The following ARHGAP28 variants were observed in gnomAD, a reference collection of about 807,000 sequenced individuals.
ARHGAP28 encodes Rho GTPase activating protein 28.
Under a neutral mutation model 90.7 loss-of-function variants are expected in ARHGAP28, and 56 were observed. The ratio of observed to expected loss-of-function variants is 0.62; its 90% CI spans 0.50 to 0.77. The LOEUF (loss-of-function observed/expected upper bound fraction) is 0.77. Among genes scored for constraint, ARHGAP28 ranks in the 30% least tolerant of loss-of-function variants. ARHGAP28 has a pLI of 0.00. For missense variants in ARHGAP28, 869 were observed against 900.9 expected (o/e 0.96, Z 0.45); for synonymous variants, 308 against 323.3 (o/e 0.95, Z 0.51).
At chr18:6,792,161 G>A (rs1211083510) in intron 1 of ARHGAP28, among the ~76,000 whole-genome samples, 4 of 152,178 alleles carry the variant, frequency 2.6e-5, no homozygotes, top group Non-Finnish European at 1.5e-5. Context: ...GGACGTAGAG[G>A]AAGGGATAGA....
chr18:6,894,947 C>A (rs111858229), intron 15 of ARHGAP28, 56 bp downstream of exon 15: 7 of 1,450,864 alleles, frequency 4.8e-6, no homozygotes, highest in Non-Finnish European at 6.8e-6. Flanking sequence ...TCTTCTCTGG[C>A]GACATCCACC....
chr18:6,765,824 T>C (rs1308763179), intron 1 of ARHGAP28, among the ~76,000 whole-genome samples: 1 of 152,202 alleles, frequency 6.6e-6, no homozygotes, highest in Admixed American at 6.5e-5. Flanking sequence ...TTTCTTACTA[T>C]TGAGTTCAAA....
intron 1 of ARHGAP28, among the ~76,000 whole-genome samples, chr18:6,797,623 T>C (rs1445204513): frequency 3.9e-5 from 6 of 152,100 alleles, no homozygotes; most frequent in Non-Finnish European, 8.8e-5. Context: ...GAAGGGGAAC[T>C]AGAGAACAGT....
At position 6,890,427 on chromosome 18, in the gene ARHGAP28, C is replaced by T. The variant is rs1600292096; in HGVS notation, c.1735-3C>T. 1 of 1,585,482 alleles carries T rather than the reference C, an allele frequency of 6.3e-7. No homozygotes were observed. Among genetic ancestry groups the T allele is most frequent in the Non-Finnish European group, 8.6e-7 (1 of 1,157,776 alleles). ...TCCAGTCCAAGCTATTTTTCTTCTC[C>T]AGGTTCCATCTTTCTTAATCACTCA... is the stretch of plus-strand genomic sequence containing the variant. On this transcript the variant is annotated splice_region_variant and splice_polypyrimidine_tract_variant and intron_variant, in intron 13 of 17. Coordinates refer to ENST00000383472, the MANE Select transcript of ARHGAP28 (RefSeq NM_001366230.1).
At chr18:6,910,336 T>C (rs2030656844) in intron 17 of ARHGAP28, among the ~76,000 whole-genome samples, 1 of 152,200 alleles carries the variant, frequency 6.6e-6, no homozygotes, top group Non-Finnish European at 1.5e-5. Flanking sequence ...CTCGGAACTC[T>C]CCTGTATTTG....
chr18:6,767,981 C>G (rs1404936819), intron 1 of ARHGAP28, among the ~76,000 whole-genome samples: 1 of 152,170 alleles, frequency 6.6e-6, no homozygotes, highest in African/African-American at 2.4e-5. Context: ...CACTCAGACT[C>G]TATTCAATGT....
intron 1 of ARHGAP28, among the ~76,000 whole-genome samples, chr18:6,815,425 A>G (rs1285966642): frequency 6.6e-6 from 1 of 152,256 alleles, no homozygotes; most frequent in Non-Finnish European, 1.5e-5. Flanking sequence ...CAAAATTAAA[A>G]AAAATAAAAG....
chr18:6,823,934 A>G (rs557692107), intron 1 of ARHGAP28, among the ~76,000 whole-genome samples: 1 of 152,176 alleles, frequency 6.6e-6, no homozygotes, highest in African/African-American at 2.4e-5. Context: ...AGGAACTTCC[A>G]TACTGTTTTC....
rs1389021687 is a variant in ARHGAP28 at position 6,729,961 on chromosome 18, C to T, written c.122+18C>T. ...CTCAGCAGGTACCCGGAGCCGCTCC[C>T]ACCAGGGCGGCGCAGTCGCGCTGGG... On this transcript the variant is annotated intron_variant, in intron 1 of 17. Transcript: ENST00000383472. The T allele has an allele frequency of 1.8e-5, 24 of 1,334,264 alleles. No individual in the cohort carries two copies. Among genetic ancestry groups the T allele is most frequent in the Non-Finnish European group, 2.3e-5 (24 of 1,046,804 alleles). 82.7% of individuals were successfully genotyped at this position (1,334,264 alleles called of 1,614,324 possible).
intron 5 of ARHGAP28, among the ~76,000 whole-genome samples, chr18:6,865,279 G>A (rs1483054925): frequency 1.3e-5 from 2 of 152,180 alleles, no homozygotes; most frequent in Non-Finnish European, 2.9e-5. Context: ...AATTTCAGAT[G>A]TGAACAATGT....
At chr18:6,841,190 T>TCCTCTC (rs1170695647) in intron 3 of ARHGAP28, among the ~76,000 whole-genome samples, 13 of 66,538 alleles carry the variant, frequency 2.0e-4, no homozygotes, top group African/African-American at 4.1e-4. Context: ...CCTCTCTCTC[T>TCCTCTC]CTCTCTCTCT....
At chr18:6,786,696 A>T (rs1200092759) in intron 1 of ARHGAP28, among the ~76,000 whole-genome samples, 1 of 152,220 alleles carries the variant, frequency 6.6e-6, no homozygotes, top group Non-Finnish European at 1.5e-5. Flanking sequence ...AAAACAAATT[A>T]TCCTCACAGC....
chr18:6,894,763 C>A, intron 14 of ARHGAP28, 72 bp from the exon 15 acceptor site: 1 of 1,264,768 alleles, frequency 7.9e-7, no homozygotes, highest in Non-Finnish European at 1.1e-6. Context: ...AAAGATTGTA[C>A]CAGTTTACAC....
At chr18:6,754,374 A>G (rs1353019406) in intron 1 of ARHGAP28, among the ~76,000 whole-genome samples, 3 of 152,218 alleles carry the variant, frequency 2.0e-5, no homozygotes, top group Non-Finnish European at 4.4e-5. Context: ...AAGGGAATAC[A>G]GCTCTATACT....
rs911515274 is a variant in ARHGAP28 at position 6,909,248 on chromosome 18, G to A, written c.2095+224G>A. On this transcript the variant is annotated intron_variant, in intron 17 of 17. Transcript: ENST00000383472. The stretch of plus-strand genomic sequence containing the variant: ...TAATGTTGATATGGAGTAGGCTTGG[G>A]TCTTTTCTTTTCTTTTCTTTTCTTT... 4.9e-5 allele frequency among the ~76,000 whole-genome samples: 6 copies of A among 121,370 alleles called. No individual in the cohort carries two copies. In the South Asian group the frequency reaches 8.1e-4, roughly 16 times the overall value. The allele number at this position is 121,370 out of a possible 152,430, so 79.6% of individuals were successfully genotyped here. A position where few individuals can be genotyped will look rare whatever the true frequency, so the allele number is the denominator to read the frequency against.
intron 3 of ARHGAP28, among the ~76,000 whole-genome samples, chr18:6,838,532 T>C (rs2056771305): frequency 6.6e-6 from 1 of 152,226 alleles, no homozygotes. Flanking sequence ...TAGAACTTTC[T>C]ATAGTGATGG....
chr18:6,769,173 T>G (rs1190373290), intron 1 of ARHGAP28, among the ~76,000 whole-genome samples: 2 of 151,980 alleles, frequency 1.3e-5, no homozygotes, highest in Non-Finnish European at 2.9e-5. Flanking sequence ...TGACACAAGC[T>G]GATATTAGAC....
chr18:6,792,155 G>C (rs752896280), intron 1 of ARHGAP28, among the ~76,000 whole-genome samples: 2 of 152,156 alleles, frequency 1.3e-5, no homozygotes, highest in Non-Finnish European at 2.9e-5. Context: ...GGAGATGGAC[G>C]TAGAGGAAGG....
chr18:6,787,655 C>G lies in ARHGAP28; in HGVS notation c.123-37107C>G, dbSNP rs1292287108. Among the ~76,000 whole-genome samples the G allele has an allele frequency of 2.0e-5, 3 of 152,204 alleles. No individual in the cohort carries two copies. In the East Asian group the frequency reaches 5.8e-4, roughly 29 times the overall value. On this transcript the variant is annotated intron_variant, in intron 1 of 17. Transcript: ENST00000383472. ...GATGTGCAGGCAAAGCAATGGCAGT[C>G]TGAATTTTAATCTGGTGGGTTGGCT...
Sources: allele counts gnomAD v4.1 joint callset (sites outside exome capture counted in the v4.1 genomes callset), GRCh38; gene constraint gnomAD v4.1.1; transcripts MANE v1.5; gene names NCBI Gene and HGNC (gene_info 2026-07-23, HGNC 2026-07-21).